MAP2K1: variants seen among roughly 807,000 people sequenced by gnomAD.
MAP2K1 encodes the protein dual specificity mitogen-activated protein kinase kinase 1.
A neutral mutation model predicts 46.3 loss-of-function variants in MAP2K1; 16 were observed. The observed-to-expected ratio is 0.35, with a 90% CI of 0.23 to 0.52. The LOEUF is 0.52. Among genes scored for constraint, MAP2K1 ranks in the 20% least tolerant of loss-of-function variants. The pLI is 0.94. For missense variants in MAP2K1, 263 were observed against 497.1 expected (o/e 0.53, Z 4.48); for synonymous variants, 183 against 185.6 (o/e 0.99, Z 0.11).
At chr15:66,408,314 G>C (rs773002129) in intron 1 of MAP2K1, among the ~76,000 whole-genome samples, 1 of 152,168 alleles carries the variant, frequency 6.6e-6, no homozygotes, top group Non-Finnish European at 1.5e-5. Flanking sequence ...ACAACACCGG[G>C]CATACTTGCA....
chr15:66,391,174 G>A (rs1279506785), intron 1 of MAP2K1, among the ~76,000 whole-genome samples: 1 of 151,774 alleles, frequency 6.6e-6, no homozygotes, highest in African/African-American at 2.4e-5. Flanking sequence ...CTATAGGTGG[G>A]TACTACTGTG....
chr15:66,434,291 A>G (rs766950728), intron 1 of MAP2K1, among the ~76,000 whole-genome samples: 5 of 152,198 alleles, frequency 3.3e-5, no homozygotes, highest in African/African-American at 4.8e-5. Flanking sequence ...AGTAATCACA[A>G]TATAACTTTA....
chr15:66,444,599 TTGAG>T lies in MAP2K1; in HGVS notation c.517-55_517-52del, dbSNP rs1370075924. The T allele has an allele frequency of 4.5e-5, 53 of 1,170,736 alleles. No individual in the cohort carries two copies. The African/African-American group carries it at 5.1e-4, about 11-fold the overall frequency. 72.5% of individuals were successfully genotyped at this position (1,170,736 alleles called of 1,614,324 possible). On this transcript the variant is annotated intron_variant, in intron 4 of 10. Coordinates refer to ENST00000307102, the MANE Select transcript of MAP2K1 (RefSeq NM_002755.4). ...TTTTCCTAGAGTATTTTAAAATAGATTGAGTATTTTTCTTATCACCAGTATTTTC... is the reference window on the plus strand; with the variant it reads ...TTTTCCTAGAGTATTTTAAAATAGATTATTTTTCTTATCACCAGTATTTTC...
At chr15:66,452,144 G>A (rs1268316993) in intron 5 of MAP2K1, among the ~76,000 whole-genome samples, 8 of 100,310 alleles carry the variant, frequency 8.0e-5, no homozygotes, top group Non-Finnish European at 1.4e-4. Context: ...TGGTGGGGTC[G>A]GGGGAGGGGG....
intron 1 of MAP2K1, among the ~76,000 whole-genome samples, chr15:66,398,898 A>T (rs571447256): frequency 1.7e-4 from 26 of 151,766 alleles, no homozygotes; most frequent in African/African-American, 5.6e-4. Flanking sequence ...CTCAGCCTCG[A>T]AGTGGCTGGG....
intron 3 of MAP2K1, among the ~76,000 whole-genome samples, chr15:66,439,342 T>A (rs1175284367): frequency 6.6e-6 from 1 of 152,198 alleles, no homozygotes; most frequent in African/African-American, 2.4e-5. Flanking sequence ...ATTATGAAAA[T>A]TTTCACAGGC....
At chr15:66,478,253 A>ATAT (rs1567023568) in intron 5 of MAP2K1, among the ~76,000 whole-genome samples, 1 of 146,890 alleles carries the variant, frequency 6.8e-6, no homozygotes, top group African/African-American at 2.5e-5. Context: ...TATATATATA[A>ATAT]AAATCTGTGT....
intron 8 of MAP2K1, chr15:66,488,836 A>T (rs1893141760): frequency 3.4e-6 from 1 of 290,142 alleles, no homozygotes; most frequent in Non-Finnish European, 6.6e-6. Context: ...GCACTCCAAG[A>T]TTTACCATTG....
At chr15:66,409,160 A>T (rs1019730007) in intron 1 of MAP2K1, among the ~76,000 whole-genome samples, 10 of 152,150 alleles carry the variant, frequency 6.6e-5, no homozygotes, top group African/African-American at 2.4e-4. Context: ...GGCATGTGGG[A>T]TGTATGTTAT....
chr15:66,420,783 ATATATG>A (rs1815197473), intron 1 of MAP2K1, among the ~76,000 whole-genome samples: 1 of 54,600 alleles, frequency 1.8e-5, no homozygotes, highest in Admixed American at 2.7e-4. Flanking sequence ...ATATGTGTAT[ATATATG>A]TGTGTATATA....
intron 3 of MAP2K1, among the ~76,000 whole-genome samples, chr15:66,441,765 A>C (rs1036498119): frequency 2.0e-5 from 3 of 152,110 alleles, no homozygotes; most frequent in Non-Finnish European, 2.9e-5. Flanking sequence ...AAAAAAAAAA[A>C]ACCTAGTTCT....
chr15:66,401,893 G>A (rs1226814241), intron 1 of MAP2K1: 2 of 929,522 alleles, frequency 2.2e-6, no homozygotes, highest in Middle Eastern at 4.6e-4. Flanking sequence ...AAGCCAGCAA[G>A]TAGTTGAGTG....
At chr15:66,421,295 C>A (rs9672789) in intron 1 of MAP2K1, among the ~76,000 whole-genome samples, 14,789 of 151,874 alleles carry the variant, frequency 0.097, 730 homozygotes, top group African/African-American at 0.13. Flanking sequence ...GCCACTACAC[C>A]TGGTGCATTT....
intron 1 of MAP2K1, among the ~76,000 whole-genome samples, chr15:66,399,181 A>G (rs2093375645): frequency 1.3e-5 from 2 of 152,226 alleles, no homozygotes; most frequent in Admixed American, 6.5e-5. Context: ...AAACTCAAAC[A>G]TACACAAACA....
chr15:66,468,955 A>G (rs1892539024), intron 5 of MAP2K1, among the ~76,000 whole-genome samples: 1 of 149,052 alleles, frequency 6.7e-6, no homozygotes, highest in African/African-American at 2.5e-5. Context: ...CTCCGTCTCA[A>G]AAAAAAAAAT....
At chr15:66,433,022 A>G (rs1216039915) in intron 1 of MAP2K1, among the ~76,000 whole-genome samples, 4 of 134,384 alleles carry the variant, frequency 3.0e-5, no homozygotes, top group Non-Finnish European at 4.8e-5. Flanking sequence ...TCGAATCTGC[A>G]TTTCTAGCTG....
chr15:66,389,575 T>TGG (rs2093351984), intron 1 of MAP2K1, among the ~76,000 whole-genome samples: 1 of 123,968 alleles, frequency 8.1e-6, no homozygotes, highest in Non-Finnish European at 1.8e-5. Flanking sequence ...TGTTGTGGTT[T>TGG]TTTTTTTTTT....
At chr15:66,435,787 ATTAC>A (rs1225456258) in intron 2 of MAP2K1, among the ~76,000 whole-genome samples, 1 of 152,160 alleles carries the variant, frequency 6.6e-6, no homozygotes, top group Non-Finnish European at 1.5e-5. Context: ...ATACCTGTTT[ATTAC>A]TTATCAAGTG....
chr15:66,397,849 A>G (rs934523181), intron 1 of MAP2K1, among the ~76,000 whole-genome samples: 1 of 152,246 alleles, frequency 6.6e-6, no homozygotes, highest in African/African-American at 2.4e-5. Flanking sequence ...CACGCCTGTA[A>G]TCCCAGCACT....
Sources: allele counts gnomAD v4.1 joint callset (sites outside exome capture counted in the v4.1 genomes callset), GRCh38; gene constraint gnomAD v4.1.1; transcripts MANE v1.5; gene names NCBI Gene and HGNC (gene_info 2026-07-23, HGNC 2026-07-21).